The following ZNF536 variants were observed in gnomAD, a reference collection of about 807,000 sequenced individuals.
ZNF536 encodes the protein zinc finger protein 536.
ZNF536 carries 13 observed loss-of-function variants against 84.5 expected under a neutral mutation model. The ratio of observed to expected loss-of-function variants is 0.15; its 90% CI spans 0.10 to 0.24. The LOEUF is 0.24. Among genes scored for constraint, ZNF536 ranks in the 10% least tolerant of loss-of-function variants. The pLI, the probability that ZNF536 is intolerant of heterozygous loss-of-function variation, is 1.00. For synonymous variants in ZNF536, 811 were observed against 742.5 expected (o/e 1.09, Z -1.50); for missense variants, 1,536 against 1,747.5 (o/e 0.88, Z 2.16).
intron 1 of ZNF536, among the ~76,000 whole-genome samples, chr19:30,376,607 T>C (rs1343300573): frequency 6.6e-6 from 1 of 152,156 alleles, no homozygotes; most frequent in African/African-American, 2.4e-5. Flanking sequence ...GAAGCAGCTG[T>C]GGTGGGAGTG....
intron 1 of ZNF536, among the ~76,000 whole-genome samples, chr19:30,423,761 G>A (rs538003722): frequency 5.3e-5 from 8 of 152,296 alleles, no homozygotes; most frequent in African/African-American, 1.7e-4. Context: ...CGGGGGCTTC[G>A]GCAGGAGCAA....
Position 30,530,998 on chromosome 19 carries a change from C to A in ZNF536, c.2171-3849C>A, listed in dbSNP as rs556716387. ...TGCCAGCACTTGCTCCCCCAGCCTT[C>A]ACTGTGCTTGGCTTTCAGCCTCTCT... On this transcript the variant is annotated intron_variant, in intron 2 of 4. Transcript: ENST00000355537. Among the ~76,000 whole-genome samples, 3 of 152,320 alleles carry A rather than the reference C, an allele frequency of 2.0e-5. 1 individual carries two copies. The South Asian group carries it at 6.2e-4, about 32-fold the overall frequency.
At chr19:30,497,083 A>G (rs949493354) in intron 2 of ZNF536, among the ~76,000 whole-genome samples, 3 of 152,112 alleles carry the variant, frequency 2.0e-5, no homozygotes, top group African/African-American at 7.2e-5. Context: ...GCTCTCCTTA[A>G]ATGCCAGAGG....
In ZNF536 at chr19:30,592,283, G is replaced by A. The variant is rs150114063; in HGVS notation, c.169+42769G>A. Among the ~76,000 whole-genome samples the A allele has an allele frequency of 1.9e-3, 295 of 152,294 alleles. 3 individuals are homozygous for A. The highest frequency in any genetic ancestry group is 7.1e-3 in the African/African-American group (294 of 41,556). On this transcript the variant is annotated intron_variant, in intron 1 of 1. Transcript: ENST00000592773. Reference sequence around the variant, plus strand: ...AAAGGGTTTCAAGTAGTAGGATATGGAGAGACTGTTTAAATTAAGGGGTAC... The same window carrying A: ...AAAGGGTTTCAAGTAGTAGGATATGAAGAGACTGTTTAAATTAAGGGGTAC...
intron 2 of ZNF536, among the ~76,000 whole-genome samples, chr19:30,329,689 T>C (rs2047147677): frequency 6.6e-6 from 1 of 152,230 alleles, no homozygotes; most frequent in African/African-American, 2.4e-5. Flanking sequence ...TCTCCCTCTC[T>C]GCACCCAGCT....
chr19:30,550,920 A>G (rs1409678008), intron 4 of ZNF536, among the ~76,000 whole-genome samples: 1 of 152,166 alleles, frequency 6.6e-6, no homozygotes, highest in African/African-American at 2.4e-5. Context: ...CACTACCCCC[A>G]GATCTATTTT....
At chr19:30,587,915 T>G (rs2047151448) in intron 1 of ZNF536, among the ~76,000 whole-genome samples, 1 of 152,262 alleles carries the variant, frequency 6.6e-6, no homozygotes, top group African/African-American at 2.4e-5. Flanking sequence ...CTTCTGTAAT[T>G]GGTGCATTAA....
At chr19:30,520,320 GC>G (rs2044269835) in intron 2 of ZNF536, among the ~76,000 whole-genome samples, 1 of 152,196 alleles carries the variant, frequency 6.6e-6, no homozygotes, top group African/African-American at 2.4e-5. Flanking sequence ...CCGGGTGCAA[GC>G]CCCCAGCGTG....
At position 30,671,434 on chromosome 19, in the gene ZNF536, G is replaced by T. The variant is rs149352733; in HGVS notation, c.170-39323G>T. Among the ~76,000 whole-genome samples the T allele has an allele frequency of 2.0e-3, 306 of 152,350 alleles. 1 individual carries two copies. Among genetic ancestry groups the T allele is most frequent in the African/African-American group, 7.0e-3 (293 of 41,580 alleles). On this transcript the variant is annotated intron_variant, in intron 1 of 1. Coordinates refer to the ZNF536 transcript ENST00000592773. ...AGCAGTGACCAGGGACAGGCCTGGA[G>T]AGAGACTGTGGCCAGGTCACGGAGG...
At chr19:30,627,607 A>C (rs967953578) in intron 1 of ZNF536, among the ~76,000 whole-genome samples, 9 of 151,974 alleles carry the variant, frequency 5.9e-5, no homozygotes, top group Non-Finnish European at 1.0e-4. Context: ...TGGACTCTTA[A>C]ATAATGACAC....
intron 2 of ZNF536, among the ~76,000 whole-genome samples, chr19:30,297,836 G>A (rs527377987): frequency 2.4e-4 from 36 of 151,486 alleles, no homozygotes; most frequent in African/African-American, 8.7e-4. Flanking sequence ...GATTTGCACC[G>A]TGCCCTTTAT....
chr19:30,428,250 AAGG>A (rs1030121192), intron 1 of ZNF536, among the ~76,000 whole-genome samples: 1 of 152,114 alleles, frequency 6.6e-6, no homozygotes, highest in Non-Finnish European at 1.5e-5. Context: ...GTGACAGGGG[AAGG>A]AGGAGGAGAG....
chr19:30,309,982 C>T (rs1215525612), intron 2 of ZNF536, among the ~76,000 whole-genome samples: 2 of 151,902 alleles, frequency 1.3e-5, no homozygotes, highest in Admixed American at 6.6e-5. Context: ...GAAGGGTAGG[C>T]GTGGCGTGGA....
At chr19:30,635,978 C>T (rs1026868970) in intron 1 of ZNF536, among the ~76,000 whole-genome samples, 23 of 152,294 alleles carry the variant, frequency 1.5e-4, no homozygotes, top group Admixed American at 2.6e-4. Context: ...AGTGGGCCGC[C>T]GGAGAGCTGT....
At chr19:30,378,813 G>T (rs781780581) in intron 1 of ZNF536, among the ~76,000 whole-genome samples, 16 of 152,324 alleles carry the variant, frequency 1.1e-4, no homozygotes, top group Middle Eastern at 6.8e-3. Context: ...GAGATGGCTT[G>T]TCTCTGTTCT....
intron 2 of ZNF536, among the ~76,000 whole-genome samples, chr19:30,499,177 A>G (rs531120503): frequency 4.6e-5 from 7 of 152,264 alleles, no homozygotes; most frequent in African/African-American, 1.7e-4. Flanking sequence ...TTCCAATAAT[A>G]TAATCACAAT....
intron 2 of ZNF536, among the ~76,000 whole-genome samples, chr19:30,329,976 G>A (rs900583528): frequency 3.3e-5 from 5 of 152,116 alleles, no homozygotes; most frequent in Admixed American, 2.6e-4. Flanking sequence ...TATGGTTTAG[G>A]TGATAATTTA....
At chr19:30,567,435 G>A (rs1423878184) in intron 1 of ZNF536, among the ~76,000 whole-genome samples, 1 of 152,148 alleles carries the variant, frequency 6.6e-6, no homozygotes, top group Non-Finnish European at 1.5e-5. Context: ...AAGTCGCAGT[G>A]ATAACCCTGA....
intron 1 of ZNF536, among the ~76,000 whole-genome samples, chr19:30,694,368 C>A (rs1337229604): frequency 6.6e-6 from 1 of 152,228 alleles, no homozygotes; most frequent in African/African-American, 2.4e-5. Flanking sequence ...TGCAGTTCAT[C>A]TGCTGGGTGA....
Sources: allele counts gnomAD v4.1 joint callset (sites outside exome capture counted in the v4.1 genomes callset), GRCh38; gene constraint gnomAD v4.1.1; transcripts MANE v1.5; gene names NCBI Gene and HGNC (gene_info 2026-07-23, HGNC 2026-07-21).